SUGCT: variants seen among roughly 807,000 people sequenced by gnomAD.
The protein encoded by SUGCT is succinyl-CoA:glutarate CoA-transferase.
A neutral mutation model predicts 55.0 loss-of-function variants in SUGCT; 41 were observed. The ratio of observed to expected loss-of-function variants is 0.74; its 90% CI spans 0.58 to 0.97. The LOEUF is 0.97. Ranked by LOEUF, SUGCT falls within the 50% of genes least tolerant of loss-of-function variation. The pLI, the probability that SUGCT is intolerant of heterozygous loss-of-function variation, is 0.00. For missense variants in SUGCT, 568 were observed against 547.8 expected (o/e 1.04, Z -0.37); for synonymous variants, 187 against 200.4 (o/e 0.93, Z 0.56).
At chr7:40,896,729 A>G in the SUGCT span, among the ~76,000 whole-genome samples, 1 of 152,108 alleles carries the variant, frequency 6.6e-6, no homozygotes, top group African/African-American at 2.4e-5. Flanking sequence ...TTTATAAATT[A>G]CCCAGTCTCA....
the SUGCT span, among the ~76,000 whole-genome samples, chr7:40,957,192 T>C: frequency 6.6e-6 from 1 of 152,358 alleles, no homozygotes; most frequent in South Asian, 2.1e-4. Context: ...TCTGTTTCAT[T>C]GATCAGTCTA....
intron 12 of SUGCT, among the ~76,000 whole-genome samples, chr7:40,595,613 C>G (rs1180190680): frequency 6.6e-6 from 1 of 151,330 alleles, no homozygotes; most frequent in Non-Finnish European, 1.5e-5. Context: ...CACCTCTCTC[C>G]TTTCTTTTTT....
rs1785867405 is a variant in SUGCT at position 40,190,981 on chromosome 7, A to C, written c.363+1387A>C. 2.0e-5 allele frequency among the ~76,000 whole-genome samples: 3 copies of C among 152,158 alleles called. No homozygotes were observed. In the South Asian group the frequency reaches 6.2e-4, roughly 32 times the overall value. On this transcript the variant is annotated intron_variant, in intron 5 of 13. Coordinates refer to ENST00000335693, the MANE Select transcript of SUGCT (RefSeq NM_001193313.2). ...TTCAAACCCCTGTTGTTCAAGGGCC[A>C]ACTGTACTTAGGGCTATTTGGTTAG...
chr7:40,783,516 G>A (rs956978481), intron 13 of SUGCT: 1 of 152,026 alleles, frequency 6.6e-6, no homozygotes, highest in African/African-American at 2.4e-5. Flanking sequence ...GTTTATTTTA[G>A]AGCACTAACA....
Position 40,159,373 on chromosome 7 carries a change from C to T in SUGCT, c.101-21574C>T, listed in dbSNP as rs561945667. On this transcript the variant is annotated intron_variant, in intron 1 of 13. Coordinates refer to ENST00000335693, the MANE Select transcript of SUGCT (RefSeq NM_001193313.2). ...GATTCTAGTTTTTTTTAATTGTTGT[C>T]GTTGTTTGTTTGTTTTGAGACTGAG... Among the ~76,000 whole-genome samples the T allele has an allele frequency of 1.1e-4, 17 of 151,634 alleles. No homozygotes were observed. The South Asian group carries it at 1.9e-3, about 17-fold the overall frequency.
the SUGCT span, among the ~76,000 whole-genome samples, chr7:40,923,261 C>T: frequency 1.3e-5 from 2 of 152,170 alleles, no homozygotes; most frequent in Non-Finnish European, 2.9e-5. Flanking sequence ...AAGTTACCAT[C>T]AGAGAACATC....
At chr7:40,165,876 T>C (rs1420249272) in intron 1 of SUGCT, among the ~76,000 whole-genome samples, 1 of 152,112 alleles carries the variant, frequency 6.6e-6, no homozygotes, top group Non-Finnish European at 1.5e-5. Flanking sequence ...CCGCAGAACT[T>C]TGGGAGGCCG....
intron 9 of SUGCT, among the ~76,000 whole-genome samples, chr7:40,350,587 C>A (rs916462998): frequency 2.0e-5 from 3 of 151,666 alleles, no homozygotes; most frequent in South Asian, 2.1e-4. Context: ...CACCTTGGCC[C>A]CCCAAAATGT....
At chr7:40,390,074 A>G (rs1785339538) in intron 9 of SUGCT, among the ~76,000 whole-genome samples, 1 of 152,226 alleles carries the variant, frequency 6.6e-6, no homozygotes, top group Non-Finnish European at 1.5e-5. Flanking sequence ...GCCTTCGACA[A>G]AATTCAACAG....
the SUGCT span, among the ~76,000 whole-genome samples, chr7:41,000,393 G>A: frequency 1.0e-3 from 157 of 152,012 alleles, no homozygotes; most frequent in African/African-American, 3.7e-3. Flanking sequence ...TTCCTACAAA[G>A]AGCCAGACAT....
At chr7:41,008,779 C>T in the SUGCT span, among the ~76,000 whole-genome samples, 1 of 151,968 alleles carries the variant, frequency 6.6e-6, no homozygotes, top group African/African-American at 2.4e-5. Context: ...TCATGCACAC[C>T]TCTCCTGCCC....
the SUGCT span, among the ~76,000 whole-genome samples, chr7:40,978,480 A>G: frequency 6.6e-6 from 1 of 152,178 alleles, no homozygotes; most frequent in Non-Finnish European, 1.5e-5. Flanking sequence ...GCACACCAAG[A>G]CAGATGTGGT....
chr7:41,022,883 A>G, the SUGCT span, among the ~76,000 whole-genome samples: 1 of 152,250 alleles, frequency 6.6e-6, no homozygotes, highest in Admixed American at 6.5e-5. Context: ...AAATATAAAT[A>G]TAAACTTATC....
At chr7:40,944,940 C>T in the SUGCT span, among the ~76,000 whole-genome samples, 343 of 152,248 alleles carry the variant, frequency 2.3e-3, 1 homozygote, top group African/African-American at 7.0e-3. Flanking sequence ...AGTGTGTGAG[C>T]AGGTTCACTA....
chr7:40,533,747 C>G (rs1794212974), intron 12 of SUGCT, among the ~76,000 whole-genome samples: 1 of 152,090 alleles, frequency 6.6e-6, no homozygotes, highest in Non-Finnish European at 1.5e-5. Context: ...TCTAAAACAT[C>G]TAGTGTTTTA....
chr7:40,507,241 G>A (rs1204151208), intron 12 of SUGCT, among the ~76,000 whole-genome samples: 2 of 152,132 alleles, frequency 1.3e-5, no homozygotes, highest in African/African-American at 2.4e-5. Context: ...CCAGTTCTGC[G>A]AAATGTTCCT....
At chr7:40,406,283 A>T (rs938707656) in intron 9 of SUGCT, among the ~76,000 whole-genome samples, 3 of 152,274 alleles carry the variant, frequency 2.0e-5, no homozygotes, top group Non-Finnish European at 4.4e-5. Context: ...TGACAATGGT[A>T]ATATTATATA....
intron 6 of SUGCT, among the ~76,000 whole-genome samples, chr7:40,202,869 T>G (rs543503647): frequency 6.6e-6 from 1 of 152,226 alleles, no homozygotes; most frequent in Non-Finnish European, 1.5e-5. Context: ...CATGGTGAAC[T>G]TGGCCCATGG....
At chr7:40,957,711 T>G in the SUGCT span, among the ~76,000 whole-genome samples, 2 of 152,034 alleles carry the variant, frequency 1.3e-5, no homozygotes, top group Admixed American at 1.3e-4. Context: ...CAATAACCAG[T>G]TAGCTGGTTA....
Sources: gnomAD v4.1 joint callset for allele counts (sites outside exome capture counted in the v4.1 genomes callset) on GRCh38, gnomAD v4.1.1 for gene constraint, MANE v1.5 for transcripts, NCBI Gene and HGNC (gene_info 2026-07-23, HGNC 2026-07-21) for gene names.